ZFPM2: variants seen among roughly 807,000 people sequenced by gnomAD.
The protein encoded by ZFPM2 is zinc finger protein, FOG family member 2.
A neutral mutation model predicts 98.6 loss-of-function variants in ZFPM2; 20 were observed. The ratio of observed to expected loss-of-function variants is 0.20; its 90% CI spans 0.14 to 0.29. The LOEUF (loss-of-function observed/expected upper bound fraction) is 0.29, where lower values mean the gene tolerates loss of function less well. ZFPM2 is among the 10% of genes least tolerant of loss of function. The pLI, the probability that ZFPM2 is intolerant of heterozygous loss-of-function variation, is 1.00. For missense variants in ZFPM2, 1,310 were observed against 1,388.6 expected, an observed-to-expected ratio of 0.94 and a Z score of 0.90; for synonymous variants, 518 against 502.7, an observed-to-expected ratio of 1.03 and a Z score of -0.41.
At chr8:105,370,983 C>T (rs943832871) in intron 1 of ZFPM2, among the ~76,000 whole-genome samples, 12 of 152,196 alleles carry the variant, frequency 7.9e-5, no homozygotes, top group African/African-American at 2.2e-4. Context: ...CGTTGCTAGA[C>T]GCATCTTTAA....
intron 3 of ZFPM2, among the ~76,000 whole-genome samples, chr8:105,471,314 T>C (rs1282178306): frequency 1.3e-5 from 2 of 152,164 alleles, no homozygotes; most frequent in Non-Finnish European, 2.9e-5. Context: ...AATATGCCAT[T>C]TGTAGCTTAT....
intron 3 of ZFPM2, among the ~76,000 whole-genome samples, chr8:105,531,478 A>G (rs578128355): frequency 2.0e-5 from 3 of 152,108 alleles, no homozygotes; most frequent in Non-Finnish European, 4.4e-5. Context: ...CCATCTTCTT[A>G]TAACGACACT....
At chr8:105,446,491 A>C (rs529071700) in intron 3 of ZFPM2, among the ~76,000 whole-genome samples, 1 of 152,284 alleles carries the variant, frequency 6.6e-6, no homozygotes, top group East Asian at 1.9e-4. Context: ...TTTTTCAGGA[A>C]GCTTTTCGAG....
At chr8:105,363,993 A>G (rs1049758850) in intron 1 of ZFPM2, among the ~76,000 whole-genome samples, 3 of 152,066 alleles carry the variant, frequency 2.0e-5, no homozygotes, top group African/African-American at 7.2e-5. Context: ...TTTTCTAGAA[A>G]AGAAAATTTG....
intron 5 of ZFPM2, among the ~76,000 whole-genome samples, chr8:105,755,113 T>C (rs926929261): frequency 1.3e-5 from 2 of 152,116 alleles, no homozygotes; most frequent in Non-Finnish European, 2.9e-5. Flanking sequence ...GGGAAAACCT[T>C]TATTGTTCTG....
rs770028081 is a variant in ZFPM2, at chr8:105,801,522, C to G, written c.1440C>G (p.Ala480=). 4.3e-6 allele frequency: 7 copies of G among 1,613,956 alleles called. No homozygotes were observed. In the South Asian group the frequency reaches 6.6e-5, roughly 15 times the overall value. The change falls in exon 8 of 8, where the codon GCC becomes GCG. Residue 480 remains alanine (A), a synonymous_variant. Coordinates refer to ENST00000407775, the MANE Select transcript of ZFPM2 (RefSeq NM_012082.4). ...IKSEPSSPRL[A]SSPVQPNIGP... ...CTGAGCCCTCTAGCCCAAGACTTGCCTCATCTCCAGTTCAGCCTAATATTG... is the reference window on the plus strand; with the variant it reads ...CTGAGCCCTCTAGCCCAAGACTTGCGTCATCTCCAGTTCAGCCTAATATTG...
At chr8:105,329,378 A>G (rs887554451) in intron 1 of ZFPM2, among the ~76,000 whole-genome samples, 10 of 151,858 alleles carry the variant, frequency 6.6e-5, no homozygotes, top group Admixed American at 6.6e-5. Context: ...ATTTAAAGGC[A>G]TGAAGATTCA....
intron 3 of ZFPM2, among the ~76,000 whole-genome samples, chr8:105,485,389 T>G (rs114110486): frequency 0.019 from 2,901 of 152,190 alleles, 93 homozygotes; most frequent in African/African-American, 0.066. Flanking sequence ...ACCAGGCTAG[T>G]ACATCTGCAG....
At chr8:105,391,453 A>G (rs1448820449) in intron 1 of ZFPM2, among the ~76,000 whole-genome samples, 1 of 152,220 alleles carries the variant, frequency 6.6e-6, no homozygotes, top group African/African-American at 2.4e-5. Context: ...AGTTTGTCAC[A>G]TTGATTAAGT....
At chr8:105,501,458 T>G (rs2130472565) in intron 3 of ZFPM2, among the ~76,000 whole-genome samples, 1 of 151,952 alleles carries the variant, frequency 6.6e-6, no homozygotes, top group South Asian at 2.1e-4. Context: ...CTGCTAGGAT[T>G]ACAGATGTGA....
At chr8:105,352,921 C>T (rs545055429) in intron 1 of ZFPM2, among the ~76,000 whole-genome samples, 2 of 152,190 alleles carry the variant, frequency 1.3e-5, no homozygotes, top group African/African-American at 4.8e-5. Context: ...GTGAGAGCAA[C>T]TCATACAGAT....
At chr8:105,393,687 C>A (rs908719447) in intron 1 of ZFPM2, among the ~76,000 whole-genome samples, 3 of 151,958 alleles carry the variant, frequency 2.0e-5, no homozygotes, top group African/African-American at 7.2e-5. Context: ...AGGAATATTT[C>A]GGTGAGATTT....
At chr8:105,781,881 G>GATA (rs1355347425) in intron 5 of ZFPM2, among the ~76,000 whole-genome samples, 1 of 152,172 alleles carries the variant, frequency 6.6e-6, no homozygotes, top group Non-Finnish European at 1.5e-5. Context: ...CCTTCAGAGA[G>GATA]ATAATTGTGC....
intron 6 of ZFPM2, among the ~76,000 whole-genome samples, chr8:105,791,817 G>C (rs1813620751): frequency 6.6e-6 from 1 of 152,012 alleles, no homozygotes. Flanking sequence ...GTTTAGTCTT[G>C]GGAGAGTGTA....
At chr8:105,444,970 T>C (rs1812337352) in intron 3 of ZFPM2, among the ~76,000 whole-genome samples, 1 of 152,120 alleles carries the variant, frequency 6.6e-6, no homozygotes, top group African/African-American at 2.4e-5. Context: ...TATATAACAG[T>C]CAAAAGAACT....
chr8:105,671,731 G>C (rs1817600979), intron 5 of ZFPM2, among the ~76,000 whole-genome samples: 1 of 151,962 alleles, frequency 6.6e-6, no homozygotes, highest in Non-Finnish European at 1.5e-5. Context: ...TAACAAGTAA[G>C]TACAATAGTT....
intron 3 of ZFPM2, among the ~76,000 whole-genome samples, chr8:105,548,232 C>T (rs188064250): frequency 5.9e-5 from 9 of 151,704 alleles, no homozygotes; most frequent in Middle Eastern, 3.2e-3. Context: ...GTGCTGGAGG[C>T]GATAACTTTC....
intron 5 of ZFPM2, among the ~76,000 whole-genome samples, chr8:105,700,911 G>A (rs1277627523): frequency 1.3e-5 from 2 of 152,078 alleles, no homozygotes; most frequent in Admixed American, 6.6e-5. Context: ...GTTCTAATAT[G>A]ACACCACATT....
chr8:105,764,539 GA>G (rs932233394), intron 5 of ZFPM2, among the ~76,000 whole-genome samples: 8 of 148,682 alleles, frequency 5.4e-5, no homozygotes, highest in African/African-American at 9.9e-5. Context: ...TTTCTTTTTA[GA>G]AAAAAAAATC....
Sources: gnomAD v4.1 joint callset for allele counts (sites outside exome capture counted in the v4.1 genomes callset) on GRCh38, gnomAD v4.1.1 for gene constraint, MANE v1.5 for transcripts, NCBI Gene and HGNC (gene_info 2026-07-23, HGNC 2026-07-21) for gene names.